The following PAK1 variants were observed in gnomAD, a reference collection of about 807,000 sequenced individuals.
PAK1 encodes serine/threonine-protein kinase PAK 1.
PAK1 carries 29 observed loss-of-function variants against 67.4 expected under a neutral mutation model. That is an observed-to-expected ratio of 0.43 (90% CI 0.32 to 0.59). The LOEUF (loss-of-function observed/expected upper bound fraction) is 0.59. Among genes scored for constraint, PAK1 ranks in the 20% least tolerant of loss-of-function variants. The pLI is 0.07. For synonymous variants in PAK1, 223 were observed against 237.4 expected (o/e 0.94, Z 0.56); for missense variants, 337 against 670.7 (o/e 0.50, Z 5.50).
At chr11:77,343,995 G>A in intron 9 of PAK1, 64 bp from the exon 10 acceptor site, 1 of 1,016,488 alleles carries the variant, frequency 9.8e-7, no homozygotes, top group East Asian at 2.4e-5. Context: ...CACCTGCTAA[G>A]TACCAGACCT....
intron 1 of PAK1, among the ~76,000 whole-genome samples, chr11:77,429,699 G>A (rs1342309284): frequency 2.0e-5 from 3 of 152,206 alleles, no homozygotes; most frequent in African/African-American, 4.8e-5. Flanking sequence ...AGGAAAGACC[G>A]AGGACACTAA....
At chr11:77,514,137 TC>T in the PAK1 span, among the ~76,000 whole-genome samples, 2 of 152,334 alleles carry the variant, frequency 1.3e-5, no homozygotes, top group East Asian at 3.9e-4. Context: ...GGGAACCTAT[TC>T]CTTTTGAAGT....
intron 1 of PAK1, among the ~76,000 whole-genome samples, chr11:77,456,324 A>G (rs1394773017): frequency 6.6e-6 from 1 of 152,210 alleles, no homozygotes; most frequent in African/African-American, 2.4e-5. Context: ...TTTTAAGTGC[A>G]TATTCATATA....
intron 1 of PAK1, among the ~76,000 whole-genome samples, chr11:77,403,339 CAATGA>C (rs1952974425): frequency 6.6e-6 from 1 of 152,206 alleles, no homozygotes; most frequent in South Asian, 2.1e-4. Flanking sequence ...TCAACAGCCA[CAATGA>C]TGATCATGTC....
chr11:77,426,319 G>C (rs1270309637), intron 1 of PAK1, among the ~76,000 whole-genome samples: 1 of 151,934 alleles, frequency 6.6e-6, no homozygotes, highest in Non-Finnish European at 1.5e-5. Context: ...TGAAATTATG[G>C]CATATACTAA....
At chr11:77,407,699 C>G (rs1382981955) in intron 1 of PAK1, among the ~76,000 whole-genome samples, 1 of 152,196 alleles carries the variant, frequency 6.6e-6, no homozygotes, top group East Asian at 1.9e-4. Context: ...TGCATCTGGT[C>G]TCTGGACTCT....
intron 1 of PAK1, among the ~76,000 whole-genome samples, chr11:77,470,955 G>C (rs1957824188): frequency 6.6e-6 from 1 of 152,166 alleles, no homozygotes; most frequent in Non-Finnish European, 1.5e-5. Context: ...AAAATGTTAG[G>C]ATCCCCTTGG....
chr11:77,340,472 A>T (rs78881485), intron 11 of PAK1, among the ~76,000 whole-genome samples, 174 bp downstream of exon 11: 2 of 152,094 alleles, frequency 1.3e-5, no homozygotes, highest in African/African-American at 2.4e-5. Context: ...TAAAAAAAAA[A>T]TCATGGTGAT....
the PAK1 span, among the ~76,000 whole-genome samples, chr11:77,480,190 T>C: frequency 7.1e-4 from 108 of 152,320 alleles, no homozygotes; most frequent in Non-Finnish European, 1.1e-3. Context: ...CTATTCACTC[T>C]GCATGGAATT....
At chr11:77,447,439 G>A (rs1200099016) in intron 1 of PAK1, among the ~76,000 whole-genome samples, 2 of 152,172 alleles carry the variant, frequency 1.3e-5, no homozygotes, top group East Asian at 1.9e-4. Flanking sequence ...TATCTTGCCC[G>A]TGGTAGTGTG....
At chr11:77,409,380 G>C (rs1041115336) in intron 1 of PAK1, among the ~76,000 whole-genome samples, 10 of 152,264 alleles carry the variant, frequency 6.6e-5, no homozygotes, top group Non-Finnish European at 1.2e-4. Context: ...AGCCACTATG[G>C]AGAATAGCAT....
At chr11:77,417,074 T>C (rs1056544062) in intron 1 of PAK1, among the ~76,000 whole-genome samples, 13 of 152,250 alleles carry the variant, frequency 8.5e-5, no homozygotes, top group African/African-American at 3.1e-4. Flanking sequence ...TGATGATGGC[T>C]ATATCATATA....
the PAK1 span, among the ~76,000 whole-genome samples, chr11:77,505,926 G>A: frequency 6.6e-6 from 1 of 152,120 alleles, no homozygotes; most frequent in Non-Finnish European, 1.5e-5. Context: ...CCGGCGCCAG[G>A]GACTGGTGCC....
intron 1 of PAK1, among the ~76,000 whole-genome samples, chr11:77,424,071 G>C (rs767846340): frequency 6.6e-6 from 1 of 152,214 alleles, no homozygotes; most frequent in African/African-American, 2.4e-5. Context: ...TTACACTGCA[G>C]AACTAGTCCA....
At chr11:77,511,649 T>C in the PAK1 span, among the ~76,000 whole-genome samples, 1 of 152,160 alleles carries the variant, frequency 6.6e-6, no homozygotes, top group Non-Finnish European at 1.5e-5. Flanking sequence ...AAAAACTGGG[T>C]CAGTCACAGA....
At chr11:77,506,329 T>C in the PAK1 span, among the ~76,000 whole-genome samples, 3 of 152,058 alleles carry the variant, frequency 2.0e-5, no homozygotes, top group African/African-American at 7.2e-5. Flanking sequence ...ATGTTATAGG[T>C]AGGAAAGTAA....
rs747098916 is a variant in PAK1, at chr11:77,336,187, G to A, written c.1312C>T (p.Arg438Ter). ...PYWMAPEVVTRKAYGPKVDIW... is the reference protein window; with the variant it reads ...PYWMAPEVVT ...TCAACCTTGGGCCCATAGGCCTTTC[G>A]TGTCACAACCTCTGGTGCCATCCAG... Residue 438 changes from arginine (R) to a stop codon, truncating the protein, a stop_gained, in exon 13 of 15, where the codon CGA (arginine) becomes TGA (stop). Coordinates refer to ENST00000356341, the MANE Select transcript of PAK1 (RefSeq NM_002576.5). LOFTEE classifies it high-confidence loss of function. 3 of 1,613,620 alleles carry A rather than the reference G, an allele frequency of 1.9e-6. No homozygotes were observed. Among genetic ancestry groups the A allele is most frequent in the Non-Finnish European group, 1.7e-6 (2 of 1,179,634 alleles).
At chr11:77,353,492 A>G (rs1945569203) in intron 8 of PAK1, 44 bp downstream of exon 8, 3 of 1,399,428 alleles carry the variant, frequency 2.1e-6, no homozygotes, top group East Asian at 2.3e-5. Flanking sequence ...CGGCACACAC[A>G]CTTTAAAGTC....
intron 14 of PAK1, among the ~76,000 whole-genome samples, chr11:77,323,817 A>C (rs943560707): frequency 5.3e-5 from 8 of 152,360 alleles, no homozygotes; most frequent in African/African-American, 1.9e-4. Context: ...CATTAAGGGA[A>C]AGAAGCCAGA....
Sources: allele counts gnomAD v4.1 joint callset (sites outside exome capture counted in the v4.1 genomes callset), GRCh38; gene constraint gnomAD v4.1.1; transcripts MANE v1.5; gene names NCBI Gene and HGNC (gene_info 2026-07-23, HGNC 2026-07-21).